GRID2: variants seen among roughly 807,000 people sequenced by gnomAD.
The protein encoded by GRID2 is glutamate receptor ionotropic, delta-2.
GRID2 carries 33 observed loss-of-function variants against 114.8 expected under a neutral mutation model. That is an observed-to-expected ratio of 0.29 (90% confidence interval 0.22 to 0.38). The LOEUF is 0.38. GRID2 is among the 10% of genes least tolerant of loss of function. GRID2 has a pLI of 1.00. For missense variants in GRID2, 1,184 were observed against 1,257.7 expected, an observed-to-expected ratio of 0.94 and a Z score of 0.89; for synonymous variants, 505 against 449.9, an observed-to-expected ratio of 1.12 and a Z score of -1.55.
At chr4:93,346,484 AT>A (rs1478117010) in intron 8 of GRID2, among the ~76,000 whole-genome samples, 1 of 151,846 alleles carries the variant, frequency 6.6e-6, no homozygotes, top group African/African-American at 2.4e-5. Flanking sequence ...CTACATTTTT[AT>A]TTTTATTTTT....
intron 14 of GRID2, among the ~76,000 whole-genome samples, chr4:93,714,786 T>C (rs763064986): frequency 4.6e-5 from 7 of 152,334 alleles, no homozygotes; most frequent in African/African-American, 7.2e-5. Flanking sequence ...TGTTGGTATT[T>C]CTCTTATAAA....
intron 2 of GRID2, among the ~76,000 whole-genome samples, chr4:93,002,540 T>C (rs989732462): frequency 1.8e-4 from 28 of 151,634 alleles, no homozygotes; most frequent in Admixed American, 5.3e-4. Context: ...AATTAGAAAA[T>C]AATTTATCCC....
intron 2 of GRID2, among the ~76,000 whole-genome samples, chr4:92,970,315 T>A (rs1332843408): frequency 6.6e-6 from 1 of 151,912 alleles, no homozygotes; most frequent in African/African-American, 2.4e-5. Context: ...TTATTCAGTC[T>A]CTTCAATCAC....
chr4:92,373,259 G>T (rs1404353014), intron 1 of GRID2, among the ~76,000 whole-genome samples: 1 of 152,216 alleles, frequency 6.6e-6, no homozygotes, highest in Non-Finnish European at 1.5e-5. Context: ...TAGGGGAAGT[G>T]TGGTCATTTT....
intron 2 of GRID2, among the ~76,000 whole-genome samples, chr4:92,759,654 G>C (rs940244066): frequency 6.6e-6 from 1 of 151,990 alleles, no homozygotes; most frequent in African/African-American, 2.4e-5. Context: ...GCCCAGGCTG[G>C]AGTGCAATGG....
intron 2 of GRID2, among the ~76,000 whole-genome samples, chr4:92,690,986 A>G (rs1734155683): frequency 6.6e-6 from 1 of 152,144 alleles, no homozygotes; most frequent in African/African-American, 2.4e-5. Flanking sequence ...AGCAAAATAC[A>G]TTCCAAAAAT....
At position 92,940,895 on chromosome 4, in the gene GRID2, G is replaced by A. The variant is rs1363810705; in HGVS notation, c.245-144100G>A. On this transcript the variant is annotated intron_variant, in intron 2 of 15. Coordinates refer to ENST00000282020, the MANE Select transcript of GRID2 (RefSeq NM_001510.4). ...TTATTGATTTGCATATGTTGAACCA[G>A]CCTTGCATCCCACGGATGAAGCCCT... Among the ~76,000 whole-genome samples the A allele has an allele frequency of 3.3e-5, 5 of 152,282 alleles. No individual in the cohort carries two copies. In the East Asian group the frequency reaches 9.7e-4, roughly 29 times the overall value.
chr4:93,266,629 G>A (rs1055528247), intron 8 of GRID2, among the ~76,000 whole-genome samples: 11 of 152,260 alleles, frequency 7.2e-5, no homozygotes, highest in Admixed American at 2.6e-4. Flanking sequence ...GACCAGGCTG[G>A]TCTCGAACTC....
chr4:93,622,984 A>T, intron 13 of GRID2, among the ~76,000 whole-genome samples: 1 of 152,134 alleles, frequency 6.6e-6, no homozygotes, highest in African/African-American at 2.4e-5. Flanking sequence ...CACTACGGAA[A>T]TTTATTTTGT....
chr4:92,653,722 G>C (rs147533286), intron 2 of GRID2, among the ~76,000 whole-genome samples: 1 of 151,998 alleles, frequency 6.6e-6, no homozygotes, highest in Non-Finnish European at 1.5e-5. Context: ...GATTTGGGTG[G>C]GAACAACATC....
chr4:93,345,880 T>A (rs1466810422), intron 8 of GRID2, among the ~76,000 whole-genome samples: 1 of 152,162 alleles, frequency 6.6e-6, no homozygotes, highest in African/African-American at 2.4e-5. Flanking sequence ...GTTTTCCCAA[T>A]GCACATTTAT....
chr4:93,457,199 G>A (rs1388646945), intron 11 of GRID2, among the ~76,000 whole-genome samples: 1 of 152,092 alleles, frequency 6.6e-6, no homozygotes, highest in African/African-American at 2.4e-5. Context: ...AGACTGTTAG[G>A]AGATCATAGG....
intron 2 of GRID2, among the ~76,000 whole-genome samples, chr4:92,677,125 T>C (rs1579823101): frequency 6.6e-6 from 1 of 151,112 alleles, no homozygotes; most frequent in Admixed American, 6.6e-5. Flanking sequence ...AGAGAGGAGG[T>C]TGGGGAAATA....
chr4:93,729,451 C>A (rs1441393555), intron 14 of GRID2, among the ~76,000 whole-genome samples: 1 of 152,124 alleles, frequency 6.6e-6, no homozygotes, highest in Non-Finnish European at 1.5e-5. Context: ...ATGTCTTCTT[C>A]AATACTATTT....
intron 1 of GRID2, among the ~76,000 whole-genome samples, chr4:92,457,431 AT>A (rs1307724241): frequency 6.6e-6 from 1 of 152,164 alleles, no homozygotes; most frequent in African/African-American, 2.4e-5. Flanking sequence ...CAGAGTAAAT[AT>A]GTATAGAATG....
chr4:92,912,428 C>T (rs1022680817), intron 2 of GRID2, among the ~76,000 whole-genome samples: 3 of 151,738 alleles, frequency 2.0e-5, no homozygotes, highest in Non-Finnish European at 4.4e-5. Context: ...AAATGTATTT[C>T]CCATACGTCC....
intron 1 of GRID2, among the ~76,000 whole-genome samples, chr4:92,460,911 G>C (rs770277396): frequency 4.0e-5 from 6 of 151,592 alleles, no homozygotes; most frequent in Non-Finnish European, 8.8e-5. Context: ...GACATTTTTA[G>C]ATCTCTTTAG....
intron 2 of GRID2, among the ~76,000 whole-genome samples, chr4:92,884,253 C>T (rs1288338548): frequency 6.6e-6 from 1 of 152,146 alleles, no homozygotes; most frequent in Non-Finnish European, 1.5e-5. Flanking sequence ...CTCTCTCAGC[C>T]TTCATAGAGT....
chr4:93,156,995 T>C (rs548312885), intron 4 of GRID2, among the ~76,000 whole-genome samples: 49 of 151,748 alleles, frequency 3.2e-4, no homozygotes, highest in Non-Finnish European at 6.3e-4. Context: ...TAGCCCCTGG[T>C]CAATAGTGGG....
Sources: gnomAD v4.1 joint callset for allele counts (sites outside exome capture counted in the v4.1 genomes callset) on GRCh38, gnomAD v4.1.1 for gene constraint, MANE v1.5 for transcripts, NCBI Gene and HGNC (gene_info 2026-07-23, HGNC 2026-07-21) for gene names.